Variants in WDFY4 observed in about 807,000 individuals in gnomAD.
WDFY4 encodes WDFY family member 4.
A neutral mutation model predicts 351.9 loss-of-function variants in WDFY4; 169 were observed. The observed-to-expected ratio is 0.48, with a 90% confidence interval of 0.42 to 0.55. The LOEUF (loss-of-function observed/expected upper bound fraction) is 0.55. Among genes scored for constraint, WDFY4 ranks in the 20% least tolerant of loss-of-function variants. WDFY4 has a pLI of 0.00. For synonymous variants in WDFY4, 1,622 were observed against 1,574.6 expected, an observed-to-expected ratio of 1.03 and a Z score of -0.71; for missense variants, 3,803 against 3,935.6, an observed-to-expected ratio of 0.97 and a Z score of 0.90.
intron 5 of WDFY4, among the ~76,000 whole-genome samples, chr10:48,724,375 C>A (rs1477218570): frequency 2.0e-5 from 3 of 152,132 alleles, no homozygotes; most frequent in Admixed American, 6.5e-5. Flanking sequence ...CAAGCCCATT[C>A]CTCATTTCCA....
chr10:48,732,049 G>A (rs2064480246), intron 9 of WDFY4, among the ~76,000 whole-genome samples: 3 of 152,174 alleles, frequency 2.0e-5, no homozygotes, highest in African/African-American at 7.2e-5. Flanking sequence ...GCCCTGCTGG[G>A]CTGCATACCT....
chr10:48,702,260 G>A (rs2063499494), intron 1 of WDFY4, among the ~76,000 whole-genome samples: 1 of 151,974 alleles, frequency 6.6e-6, no homozygotes, highest in Non-Finnish European at 1.5e-5. Context: ...CAGCTCCATA[G>A]CTCAGAACTG....
At position 48,898,181 on chromosome 10, in the gene WDFY4, C is replaced by T. The variant is rs140015432; in HGVS notation, c.7437+607C>T. 4.2e-3 allele frequency among the ~76,000 whole-genome samples: 646 copies of T among 152,326 alleles called. 3 individuals carry two copies. The highest frequency in any genetic ancestry group is 0.014 in the African/African-American group (599 of 41,580). On this transcript the variant is annotated intron_variant, in intron 45 of 61. Coordinates refer to ENST00000325239, the MANE Select transcript of WDFY4 (RefSeq NM_001394531.1). ...GGTGGCTCCTTTCAGAGGAAAAGCT[C>T]AGCCATAAGCTGGTCATAACCTCCC...
intron 57 of WDFY4, 29 bp from the exon 58 acceptor site, chr10:48,974,833 T>C (rs1223130994): frequency 6.7e-7 from 1 of 1,497,244 alleles, no homozygotes. Context: ...TGAGGGTCCC[T>C]CTCCTAACCT....
At chr10:48,772,829 G>A (rs1019890958) in intron 13 of WDFY4, among the ~76,000 whole-genome samples, 2 of 151,194 alleles carry the variant, frequency 1.3e-5, no homozygotes, top group South Asian at 4.2e-4. Flanking sequence ...AGTTTACTGA[G>A]AATGGTGATT....
intron 24 of WDFY4, among the ~76,000 whole-genome samples, chr10:48,798,149 A>G (rs1341295199): frequency 6.6e-6 from 1 of 152,248 alleles, no homozygotes; most frequent in Non-Finnish European, 1.5e-5. Flanking sequence ...ACTGACAGTC[A>G]TCAATATGTA....
At chr10:48,766,306 T>C (rs1047143101) in intron 13 of WDFY4, among the ~76,000 whole-genome samples, 1 of 152,132 alleles carries the variant, frequency 6.6e-6, no homozygotes, top group African/African-American at 2.4e-5. Context: ...AAAGAGCAAA[T>C]AGGGCCAGTT....
chr10:48,821,348 A>G (rs1312234111), intron 34 of WDFY4, among the ~76,000 whole-genome samples, 172 bp downstream of exon 34: 1 of 152,194 alleles, frequency 6.6e-6, no homozygotes, highest in African/African-American at 2.4e-5. Context: ...CTTGGGGCCC[A>G]GTGGAGGGGT....
chr10:48,967,932 G>A (rs555732670), intron 55 of WDFY4: 2 of 152,390 alleles, frequency 1.3e-5, no homozygotes, highest in East Asian at 3.9e-4. Flanking sequence ...TGGCTCTGGG[G>A]ACCATGCCTC....
chr10:48,935,899 T>C (rs1162250533), intron 47 of WDFY4, among the ~76,000 whole-genome samples: 3 of 39,140 alleles, frequency 7.7e-5, no homozygotes, highest in South Asian at 2.3e-3. Context: ...TGTGCATCTA[T>C]GGTCTTTTTT....
chr10:48,720,091 G>C lies in WDFY4; in HGVS notation c.315G>C (p.Gln105His). Residue 105 changes from glutamine to histidine, a missense_variant, in exon 3 of 62, where the codon CAG becomes CAC. By Grantham distance (24) the Gln-to-His change is conservative. This residue lies in a region of WDFY4 where 488 missense variants were observed against 456.8 expected (regional missense o/e 1.07). Coordinates refer to ENST00000325239, the MANE Select transcript of WDFY4 (RefSeq NM_001394531.1). ...LAEDVSDQLA[Q>H]QLQKALVGKP... is the part of the protein sequence containing the mutation. ...AAGACGTGTCTGACCAGCTTGCCCA[G>C]CAACTCCAGAAGGCCCTTGTGGGGA... The C allele has an allele frequency of 6.4e-7, 1 of 1,551,880 alleles. No homozygotes were observed. Among genetic ancestry groups the C allele is most frequent in the Non-Finnish European group, 8.7e-7 (1 of 1,147,042 alleles).
intron 39 of WDFY4, among the ~76,000 whole-genome samples, chr10:48,838,345 A>ACTTATGT (rs777857724): frequency 2.6e-5 from 4 of 152,194 alleles, no homozygotes; most frequent in Non-Finnish European, 4.4e-5. Flanking sequence ...TTATGTGGGC[A>ACTTATGT]GGGTGCCTGG....
At chr10:48,889,054 T>G (rs1450963729) in intron 43 of WDFY4, among the ~76,000 whole-genome samples, 3 of 152,356 alleles carry the variant, frequency 2.0e-5, no homozygotes, top group African/African-American at 7.2e-5. Flanking sequence ...GCTGAATAGA[T>G]GACCACCTGG....
Position 48,788,494 on chromosome 10 carries a change from G to A in WDFY4, c.3809-36G>A, listed in dbSNP as rs1247912431. ...GAGGATTAATTTCCTGCTCTGTAAA[G>A]TTAGACTAGAAATGTTTAAAGATGT... On this transcript the variant is annotated intron_variant, in intron 20 of 61. Coordinates refer to ENST00000325239, the MANE Select transcript of WDFY4 (RefSeq NM_001394531.1). 1.9e-6 allele frequency: 3 copies of A among 1,543,038 alleles called. No homozygotes were observed. In the East Asian group the frequency reaches 7.4e-5, roughly 38 times the overall value.
At position 48,774,930 on chromosome 10, in the gene WDFY4, C is replaced by T. The variant is rs574276912; in HGVS notation, c.2768+258C>T. Among the ~76,000 whole-genome samples the T allele has an allele frequency of 1.8e-4, 27 of 150,078 alleles. 1 individual carries two copies. The Middle Eastern group carries it at 0.014, about 76-fold the overall frequency. On this transcript the variant is annotated intron_variant, in intron 14 of 61. Transcript: ENST00000325239. ...GCTCCAAGGAAGTGGAGCTGCATTC[C>T]GAGGCCTGTAGAGTTCACTAGACAA...
intron 24 of WDFY4, chr10:48,801,555 C>A (rs1321212466): frequency 2.2e-6 from 1 of 455,764 alleles, no homozygotes; most frequent in South Asian, 1.6e-5. Flanking sequence ...ACTAGAGCTG[C>A]CTTCATCAAT....
intron 56 of WDFY4, 95 bp from the exon 57 acceptor site, chr10:48,970,036 G>A: frequency 2.8e-6 from 4 of 1,416,952 alleles, no homozygotes; most frequent in Admixed American, 2.3e-5. Context: ...CAGTTCCCAA[G>A]GCACTCAGAC....
At chr10:48,918,728 G>C (rs563831918) in intron 47 of WDFY4, among the ~76,000 whole-genome samples, 2 of 147,708 alleles carry the variant, frequency 1.4e-5, no homozygotes, top group East Asian at 3.9e-4. Context: ...TTTTAGACCA[G>C]GTAATTATTT....
chr10:48,965,170 G>T (rs1185207033), intron 54 of WDFY4, among the ~76,000 whole-genome samples: 1 of 152,190 alleles, frequency 6.6e-6, no homozygotes, highest in African/African-American at 2.4e-5. Context: ...CTACCATCCA[G>T]CCATGTCCTG....
Sources: allele counts gnomAD v4.1 joint callset (sites outside exome capture counted in the v4.1 genomes callset), GRCh38; gene constraint gnomAD v4.1.1; regional missense constraint gnomAD v4.1.1; transcripts MANE v1.5; gene names NCBI Gene and HGNC (gene_info 2026-07-23, HGNC 2026-07-21).